Variants in SLC9A4 observed in about 807,000 individuals in gnomAD.
SLC9A4 encodes the protein solute carrier family 9 member A4.
SLC9A4 carries 63 observed loss-of-function variants against 67.4 expected under a neutral mutation model. The ratio of observed to expected loss-of-function variants is 0.93; its 90% confidence interval spans 0.76 to 1.15. SLC9A4 has a LOEUF of 1.15. Ranked by LOEUF, SLC9A4 falls within the 50% of genes most tolerant of loss-of-function variation. SLC9A4 has a pLI of 0.00. For synonymous variants in SLC9A4, 393 were observed against 367.2 expected (o/e 1.07, Z -0.80); for missense variants, 1,089 against 987.7 (o/e 1.10, Z -1.38).
At chr2:102,475,930 T>C (rs927263538) in intron 1 of SLC9A4, among the ~76,000 whole-genome samples, 1 of 152,196 alleles carries the variant, frequency 6.6e-6, no homozygotes, top group Non-Finnish European at 1.5e-5. Context: ...TGAATCAGAA[T>C]AAAATTAATA....
Position 102,532,816 on chromosome 2 carries a change from C to A in SLC9A4, c.*128C>A. On this transcript the variant is annotated 3_prime_UTR_variant, in exon 12 of 12. Coordinates refer to ENST00000295269, the MANE Select transcript of SLC9A4 (RefSeq NM_001011552.4). The stretch of plus-strand genomic sequence containing the variant: ...TGTGTTGAAGCTATTAAACATGGAT[C>A]TATAAGCAGCAGGAAGATTTTTTCC... 9.9e-7 allele frequency: 1 copy of A among 1,006,212 alleles called. No individual in the cohort carries two copies. Among genetic ancestry groups the A allele is most frequent in the Non-Finnish European group, 1.4e-6 (1 of 701,722 alleles). 62.3% of individuals were successfully genotyped at this position (1,006,212 alleles called of 1,614,324 possible).
chr2:102,525,093 C>T lies in SLC9A4; in HGVS notation c.1888C>T (p.Arg630Cys), dbSNP rs201264205. 1.2e-5 allele frequency: 20 copies of T among 1,613,854 alleles called. No homozygotes were observed. Among genetic ancestry groups the T allele is most frequent in the East Asian group, 4.5e-5 (2 of 44,860 alleles). The part of the protein sequence containing the change: ...SEKQAKEILI[R>C]RQNTLRESMR... Reference sequence around the variant, plus strand: ...GAAGCAGGCTAAAGAGATTCTGATCCGCCGCCAGAACACCTTAAGGGAGAG... The same window carrying T: ...GAAGCAGGCTAAAGAGATTCTGATCTGCCGCCAGAACACCTTAAGGGAGAG... Residue 630 changes from arginine to cysteine, a missense_variant, in exon 10 of 12, where the codon CGC becomes TGC. By Grantham distance (180) the Arg-to-Cys change is radical. Coordinates refer to ENST00000295269, the MANE Select transcript of SLC9A4 (RefSeq NM_001011552.4).
intron 2 of SLC9A4, among the ~76,000 whole-genome samples, chr2:102,482,249 G>A (rs561471018): frequency 3.3e-5 from 5 of 152,186 alleles, no homozygotes; most frequent in Non-Finnish European, 5.9e-5. Flanking sequence ...TGAGTCTTCG[G>A]ATGTCCAGTC....
chr2:102,531,801 C>T (rs375714110), intron 11 of SLC9A4, among the ~76,000 whole-genome samples: 8 of 152,170 alleles, frequency 5.3e-5, no homozygotes, highest in African/African-American at 9.7e-5. Context: ...GGAGGGCATC[C>T]GGTCACGCCC....
At chr2:102,493,200 C>A (rs1295834591) in intron 2 of SLC9A4, among the ~76,000 whole-genome samples, 2 of 149,440 alleles carry the variant, frequency 1.3e-5, no homozygotes, top group East Asian at 3.9e-4. Flanking sequence ...CTTCTGAGCC[C>A]TTCAAATTGT....
intron 9 of SLC9A4, among the ~76,000 whole-genome samples, chr2:102,523,979 C>A (rs997137412): frequency 6.6e-6 from 1 of 152,168 alleles, no homozygotes; most frequent in Non-Finnish European, 1.5e-5. Flanking sequence ...CTCTATGACC[C>A]CCGATGATCC....
At chr2:102,531,611 C>A (rs572276014) in intron 11 of SLC9A4, among the ~76,000 whole-genome samples, 16 of 152,330 alleles carry the variant, frequency 1.1e-4, no homozygotes, top group African/African-American at 3.1e-4. Flanking sequence ...TTCGTGAAAC[C>A]TCAGCCACTT....
At chr2:102,483,124 G>C (rs1022255413) in intron 2 of SLC9A4, among the ~76,000 whole-genome samples, 2 of 152,196 alleles carry the variant, frequency 1.3e-5, no homozygotes, top group Non-Finnish European at 2.9e-5. Flanking sequence ...AGCTACCGGA[G>C]TATCTGCTGA....
Position 102,525,075 on chromosome 2 carries a change from G to T in SLC9A4, c.1870G>T (p.Ala624Ser). ...NLKPQTSEKQAKEILIRRQNT... is the reference protein window; with the variant it reads ...NLKPQTSEKQSKEILIRRQNT... ...CAAACCCCAAACAAGTGAGAAGCAG[G>T]CTAAAGAGATTCTGATCCGCCGCCA... Residue 624 changes from alanine to serine, a missense_variant, in exon 10 of 12, where the codon GCT (alanine) becomes TCT (serine). Ala to Ser is a moderately conservative substitution (Grantham distance 99). Transcript: ENST00000295269. The T allele has an allele frequency of 1.9e-6, 3 of 1,614,022 alleles. No homozygotes were observed. Among genetic ancestry groups the T allele is most frequent in the African/African-American group, 2.7e-5 (2 of 75,000 alleles).
intron 8 of SLC9A4, among the ~76,000 whole-genome samples, chr2:102,516,617 T>C (rs1220098488): frequency 6.6e-6 from 1 of 152,256 alleles, no homozygotes; most frequent in African/African-American, 2.4e-5. Flanking sequence ...ACACTGCCAC[T>C]ATGGTTGTCT....
intron 2 of SLC9A4, among the ~76,000 whole-genome samples, chr2:102,479,892 A>G (rs760370110): frequency 1.5e-4 from 23 of 152,196 alleles, no homozygotes; most frequent in Admixed American, 5.2e-4. Context: ...TGAGAAGAAC[A>G]TACAGGCTTG....
chr2:102,505,074 T>C (rs899906609), intron 3 of SLC9A4, among the ~76,000 whole-genome samples, 180 bp from the exon 4 acceptor site: 1 of 151,968 alleles, frequency 6.6e-6, no homozygotes, highest in African/African-American at 2.4e-5. Context: ...AAAGATCTCT[T>C]AGGGAGGGAA....
chr2:102,482,158 A>T (rs1443939815), intron 2 of SLC9A4, among the ~76,000 whole-genome samples: 1 of 152,160 alleles, frequency 6.6e-6, no homozygotes, highest in Non-Finnish European at 1.5e-5. Flanking sequence ...TGGACTCCAG[A>T]CTGTCATAGG....
At position 102,485,593 on chromosome 2, in the gene SLC9A4, G is replaced by A. The variant is rs537109330; in HGVS notation, c.720+6291G>A. On this transcript the variant is annotated intron_variant, in intron 2 of 11. Coordinates refer to ENST00000295269, the MANE Select transcript of SLC9A4 (RefSeq NM_001011552.4). Reference sequence around the variant, plus strand: ...ATGCCATTCCCTCCTGCAGTCACAGGACTCAGCATCTAGAATGGAGCATTG... The same window carrying A: ...ATGCCATTCCCTCCTGCAGTCACAGAACTCAGCATCTAGAATGGAGCATTG... 2.0e-5 allele frequency among the ~76,000 whole-genome samples: 3 copies of A among 152,274 alleles called. No individual in the cohort carries two copies. In the South Asian group the frequency reaches 6.2e-4, roughly 32 times the overall value.
intron 8 of SLC9A4, among the ~76,000 whole-genome samples, chr2:102,519,269 T>G (rs1685344382): frequency 6.6e-6 from 1 of 152,232 alleles, no homozygotes; most frequent in African/African-American, 2.4e-5. Context: ...TTTCTTCAAT[T>G]ATTTCTTAAC....
chr2:102,473,999 A>G lies in SLC9A4; in HGVS notation c.240A>G (p.Ala80=), dbSNP rs770573550. ...PYEVTLWILL[A]SLAKIGFHLY... is the part of the protein sequence containing the mutation. ...AGGTCACTCTCTGGATACTTCTAGC[A>G]TCCCTTGCAAAAATAGGTAAGTCCT... The change falls in exon 1 of 12, where the codon GCA becomes GCG. Residue 80 remains alanine, a synonymous_variant. Transcript: ENST00000295269. 1.2e-6 allele frequency: 2 copies of G among 1,613,336 alleles called. No individual in the cohort carries two copies. Among genetic ancestry groups the G allele is most frequent in the Non-Finnish European group, 1.7e-6 (2 of 1,179,412 alleles).
intron 4 of SLC9A4, 39 bp from the exon 5 acceptor site, chr2:102,508,040 C>G (rs767904736): frequency 1.3e-6 from 2 of 1,595,838 alleles, no homozygotes; most frequent in Admixed American, 1.7e-5. Context: ...TCTGCTCGTT[C>G]ATGATCCTCT....
In SLC9A4 at chr2:102,519,838, CTT is replaced by C. The variant is rs913268023; in HGVS notation, c.1722-20_1722-19del. On this transcript the variant is annotated intron_variant, in intron 8 of 11. Coordinates refer to ENST00000295269, the MANE Select transcript of SLC9A4 (RefSeq NM_001011552.4). The stretch of plus-strand genomic sequence containing the variant: ...CCAAATGAAAGAATAATGTTTGTCT[CTT>C]CTCCAATAATGATTCCAGGGCCCAG... 1.6e-5 allele frequency: 26 copies of C among 1,610,672 alleles called. No individual in the cohort carries two copies. The highest frequency in any genetic ancestry group is 2.2e-5 in the Non-Finnish European group (26 of 1,177,434).
Position 102,508,292 on chromosome 2 carries a change from T to C in SLC9A4, c.1401+11T>C. 1 of 1,578,676 alleles carries C rather than the reference T, an allele frequency of 6.3e-7. No individual in the cohort carries two copies. The highest frequency in any genetic ancestry group is 8.6e-7 in the Non-Finnish European group (1 of 1,156,558). ...ACTGTATTTATTCAGGTAAGTAGAT[T>C]TCCCTTATATTTAAATAAATAGGTT... On this transcript the variant is annotated intron_variant, in intron 5 of 11. Coordinates refer to ENST00000295269, the MANE Select transcript of SLC9A4 (RefSeq NM_001011552.4).
Sources: gnomAD v4.1 joint callset for allele counts (sites outside exome capture counted in the v4.1 genomes callset) on GRCh38, gnomAD v4.1.1 for gene constraint, MANE v1.5 for transcripts, NCBI Gene and HGNC (gene_info 2026-07-23, HGNC 2026-07-21) for gene names.